The following REC114 variants were observed in gnomAD, a reference collection of about 807,000 sequenced individuals.
REC114 encodes the protein meiotic recombination protein REC114.
A neutral mutation model predicts 31.3 loss-of-function variants in REC114; 27 were observed. That is an observed-to-expected ratio of 0.86 (90% CI 0.64 to 1.19). The LOEUF is 1.19. Ranked by LOEUF, REC114 falls within the 50% of genes most tolerant of loss-of-function variation. The probability of loss-of-function intolerance (pLI) is 0.00; values close to 1 mark genes in which losing one functional copy is unlikely to be tolerated. For missense variants in REC114, 344 were observed against 326.9 expected (o/e 1.05, Z -0.40); for synonymous variants, 134 against 127.7 (o/e 1.05, Z -0.33).
Position 73,506,772 on chromosome 15 carries a change from T to C in REC114, c.249+32851T>C, listed in dbSNP as rs534725267. Among the ~76,000 whole-genome samples, 5 of 152,296 alleles carry C rather than the reference T, an allele frequency of 3.3e-5. No homozygotes were observed. The South Asian group carries it at 1.0e-3, about 32-fold the overall frequency. ...TCAAACTTACAGGACCCTTTGAAGATTAAGAGCAATACAAGTCTGAGAGAA... is the reference window on the plus strand; with the variant it reads ...TCAAACTTACAGGACCCTTTGAAGACTAAGAGCAATACAAGTCTGAGAGAA... On this transcript the variant is annotated intron_variant, in intron 2 of 5. Coordinates refer to ENST00000331090, the MANE Select transcript of REC114 (RefSeq NM_001042367.2).
chr15:73,545,557 A>C (rs925840493), intron 3 of REC114, among the ~76,000 whole-genome samples: 3 of 152,204 alleles, frequency 2.0e-5, no homozygotes, highest in African/African-American at 7.2e-5. Flanking sequence ...TTCTGGCTTT[A>C]GATGATAAGC....
chr15:73,557,434 GA>G (rs999333655), intron 5 of REC114, among the ~76,000 whole-genome samples: 11 of 133,776 alleles, frequency 8.2e-5, no homozygotes, highest in Admixed American at 4.4e-4. Context: ...AAAAAAAAAA[GA>G]AAAAAAGGGT....
chr15:73,519,507 G>A (rs988848628), intron 2 of REC114, among the ~76,000 whole-genome samples: 1 of 152,174 alleles, frequency 6.6e-6, no homozygotes, highest in Non-Finnish European at 1.5e-5. Context: ...AAAGAAACTG[G>A]AACCCTTATA....
chr15:73,484,737 T>C (rs1421760224), intron 2 of REC114, among the ~76,000 whole-genome samples: 1 of 152,208 alleles, frequency 6.6e-6, no homozygotes, highest in African/African-American at 2.4e-5. Context: ...CCAGCATGAG[T>C]GTCTTTACCT....
At chr15:73,502,619 AG>A (rs1279802108) in intron 2 of REC114, among the ~76,000 whole-genome samples, 1 of 152,086 alleles carries the variant, frequency 6.6e-6, no homozygotes, top group African/African-American at 2.4e-5. Context: ...GCTGAGGAGG[AG>A]GAGTAAGAGG....
At chr15:73,478,245 C>T (rs1254371062) in intron 2 of REC114, among the ~76,000 whole-genome samples, 1 of 113,552 alleles carries the variant, frequency 8.8e-6, no homozygotes, top group Non-Finnish European at 1.6e-5. Context: ...GCCTCAGTGA[C>T]AGAGTGAGAC....
chr15:73,479,021 C>T (rs1295191690), intron 2 of REC114, among the ~76,000 whole-genome samples: 4 of 152,096 alleles, frequency 2.6e-5, no homozygotes, highest in African/African-American at 9.7e-5. Context: ...TTCTTCCTTT[C>T]AATCTGTATA....
intron 2 of REC114, among the ~76,000 whole-genome samples, chr15:73,505,163 A>C (rs1238537386): frequency 6.6e-6 from 1 of 152,124 alleles, no homozygotes; most frequent in Non-Finnish European, 1.5e-5. Flanking sequence ...AGCACCTAAA[A>C]TGTAGTCAGT....
At chr15:73,449,027 C>A (rs752231192) in intron 1 of REC114, among the ~76,000 whole-genome samples, 1 of 152,098 alleles carries the variant, frequency 6.6e-6, no homozygotes, top group Admixed American at 6.5e-5. Context: ...GATAAATCCA[C>A]GAAGATGAGG....
chr15:73,554,538 T>G (rs532556915), intron 4 of REC114, among the ~76,000 whole-genome samples: 44 of 152,356 alleles, frequency 2.9e-4, no homozygotes, highest in Non-Finnish European at 6.0e-4. Context: ...GCCTTGTAAT[T>G]TTGTTAATTG....
chr15:73,481,258 T>C (rs529219647), intron 2 of REC114, among the ~76,000 whole-genome samples: 11 of 152,094 alleles, frequency 7.2e-5, no homozygotes, highest in South Asian at 4.2e-4. Flanking sequence ...CCTTTAACCA[T>C]CATAGGTCTT....
intron 1 of REC114, among the ~76,000 whole-genome samples, chr15:73,454,276 T>C (rs1892888987): frequency 6.6e-6 from 1 of 152,206 alleles, no homozygotes; most frequent in African/African-American, 2.4e-5. Context: ...TGAATGATGC[T>C]GCAAAATGAA....
At chr15:73,468,261 A>C (rs1893087887) in intron 1 of REC114, among the ~76,000 whole-genome samples, 1 of 152,184 alleles carries the variant, frequency 6.6e-6, no homozygotes. Flanking sequence ...CATATATTTA[A>C]GTGTTCTTAA....
Position 73,559,933 on chromosome 15 carries a change from A to G in REC114, c.*17A>G, listed in dbSNP as rs1566952316. On this transcript the variant is annotated 3_prime_UTR_variant, in exon 6 of 6. Coordinates refer to ENST00000331090, the MANE Select transcript of REC114 (RefSeq NM_001042367.2). The stretch of plus-strand genomic sequence containing the variant: ...AGAAATTAATGCTCTATATACATAT[A>G]TAACTAAGGAACTTCAAAGTATTGA... 7 of 1,561,480 alleles carry G rather than the reference A, an allele frequency of 4.5e-6. No individual in the cohort carries two copies. The Admixed American group carries it at 1.1e-4, about 24-fold the overall frequency.
intron 2 of REC114, among the ~76,000 whole-genome samples, chr15:73,487,487 A>C (rs1483103749): frequency 6.6e-6 from 1 of 152,260 alleles, no homozygotes; most frequent in Non-Finnish European, 1.5e-5. Context: ...GTTAGGAAGA[A>C]AGGGATAACA....
At chr15:73,526,288 G>A (rs1269286385) in intron 2 of REC114, among the ~76,000 whole-genome samples, 1 of 151,932 alleles carries the variant, frequency 6.6e-6, no homozygotes, top group Non-Finnish European at 1.5e-5. Flanking sequence ...CTCTTTTCAG[G>A]GTTTAGACCC....
chr15:73,456,368 A>G (rs1007413596), intron 1 of REC114, among the ~76,000 whole-genome samples: 2 of 152,004 alleles, frequency 1.3e-5, no homozygotes, highest in Admixed American at 1.3e-4. Context: ...AGGGAAAAAA[A>G]TCCTTTTTTT....
chr15:73,491,901 A>AG (rs1319064126), intron 2 of REC114, among the ~76,000 whole-genome samples: 2 of 150,948 alleles, frequency 1.3e-5, no homozygotes, highest in Non-Finnish European at 3.0e-5. Flanking sequence ...CTCTGTCTCA[A>AG]GAAAAAAAAA....
intron 3 of REC114, among the ~76,000 whole-genome samples, chr15:73,545,941 G>C (rs1224714047): frequency 1.3e-5 from 2 of 152,126 alleles, no homozygotes; most frequent in Non-Finnish European, 2.9e-5. Context: ...CAAGAAATCA[G>C]TTTAATTTCA....
Sources: allele counts gnomAD v4.1 joint callset (sites outside exome capture counted in the v4.1 genomes callset), GRCh38; gene constraint gnomAD v4.1.1; transcripts MANE v1.5; gene names NCBI Gene and HGNC (gene_info 2026-07-23, HGNC 2026-07-21).